Variants in PTPRD observed in about 807,000 individuals in gnomAD.
PTPRD encodes protein tyrosine phosphatase receptor type D.
A neutral mutation model predicts 214.5 loss-of-function variants in PTPRD; 34 were observed. The ratio of observed to expected loss-of-function variants is 0.16; its 90% CI spans 0.12 to 0.21. The LOEUF (loss-of-function observed/expected upper bound fraction) is 0.21, where lower values mean the gene tolerates loss of function less well. PTPRD is among the 10% of genes least tolerant of loss of function. The pLI, the probability that PTPRD is intolerant of heterozygous loss-of-function variation, is 1.00. For synonymous variants in PTPRD, 1,128 were observed against 845.7 expected, an observed-to-expected ratio of 1.33 and a Z score of -5.79; for missense variants, 2,545 against 2,398.7, an observed-to-expected ratio of 1.06 and a Z score of -1.27.
intron 27 of PTPRD, among the ~76,000 whole-genome samples, chr9:8,487,392 T>C (rs150444038): frequency 7.4e-4 from 113 of 152,240 alleles, no homozygotes; most frequent in African/African-American, 2.1e-3. Context: ...GTGAAAGACA[T>C]TGAGGGATGA....
At chr9:9,900,237 T>A (rs1444233122) in intron 5 of PTPRD, among the ~76,000 whole-genome samples, 3 of 152,204 alleles carry the variant, frequency 2.0e-5, no homozygotes, top group East Asian at 3.9e-4. Flanking sequence ...CAACTTTAAA[T>A]CATTTTGTAC....
chr9:10,177,545 G>A (rs538299792), intron 3 of PTPRD, among the ~76,000 whole-genome samples: 127 of 151,858 alleles, frequency 8.4e-4, no homozygotes, highest in African/African-American at 2.6e-3. Flanking sequence ...AGGCGGGACA[G>A]GAAGACCAGA....
rs1160309918 is a variant in PTPRD at position 8,518,137 on chromosome 9, G to A, written c.1254C>T (p.Ser418=). 4.3e-6 allele frequency: 7 copies of A among 1,614,052 alleles called. No homozygotes were observed. The Admixed American group carries it at 8.3e-5, about 19-fold the overall frequency. ...VLTQTSEQAP[S]SAPRDVQARM... is the part of the protein sequence containing the mutation. Reference sequence around the variant, plus strand: ...GTGCCTGGACATCCCTCGGGGCACTGGATGGTGCTTGCTCTGAGGTTTGTG... The same window carrying A: ...GTGCCTGGACATCCCTCGGGGCACTAGATGGTGCTTGCTCTGAGGTTTGTG... The change falls in exon 21 of 46, where the codon TCC becomes TCT. Residue 418 remains serine, a synonymous_variant. Coordinates refer to ENST00000381196, the MANE Select transcript of PTPRD (RefSeq NM_002839.4).
chr9:9,536,297 A>G (rs2076512865), intron 8 of PTPRD, among the ~76,000 whole-genome samples: 1 of 151,988 alleles, frequency 6.6e-6, no homozygotes, highest in Admixed American at 6.6e-5. Flanking sequence ...GCACACAAAC[A>G]ATGTGGACTC....
intron 2 of PTPRD, among the ~76,000 whole-genome samples, chr9:10,465,492 G>T (rs1011054528): frequency 6.6e-6 from 1 of 152,068 alleles, no homozygotes; most frequent in Non-Finnish European, 1.5e-5. Context: ...TGTGCCACAT[G>T]ACATTTCAGT....
intron 2 of PTPRD, among the ~76,000 whole-genome samples, chr9:10,525,766 T>C (rs1028439136): frequency 2.4e-5 from 3 of 125,544 alleles, no homozygotes; most frequent in Non-Finnish European, 5.2e-5. Flanking sequence ...GTATTTTCCC[T>C]GAAAAACTGA....
chr9:8,570,854 G>A (rs2090920857), intron 14 of PTPRD, among the ~76,000 whole-genome samples: 1 of 151,838 alleles, frequency 6.6e-6, no homozygotes, highest in African/African-American at 2.4e-5. Flanking sequence ...CCCAAGGTCA[G>A]GAGAAAATTA....
At chr9:8,647,341 G>C (rs1411854913) in intron 12 of PTPRD, among the ~76,000 whole-genome samples, 1 of 152,074 alleles carries the variant, frequency 6.6e-6, no homozygotes, top group East Asian at 1.9e-4. Context: ...TATTCTAATG[G>C]TGATCACCTT....
At chr9:10,017,572 T>A (rs1185994935) in intron 4 of PTPRD, among the ~76,000 whole-genome samples, 2 of 152,120 alleles carry the variant, frequency 1.3e-5, no homozygotes, top group African/African-American at 2.4e-5. Context: ...GTTTTCAGGT[T>A]TAAATCTTTA....
chr9:8,664,311 A>C (rs1207039756), intron 12 of PTPRD, among the ~76,000 whole-genome samples: 1 of 152,192 alleles, frequency 6.6e-6, no homozygotes, highest in Admixed American at 6.5e-5. Context: ...AACTCTTCTG[A>C]ATCATATTAA....
rs114658344 is a variant in PTPRD, at chr9:9,964,313, C to G, written c.-471-25703G>C. On this transcript the variant is annotated intron_variant, in intron 4 of 45. Transcript: ENST00000381196. The stretch of plus-strand genomic sequence containing the variant: ...AGCAGGCTTGTTAGAAATACGTTCT[C>G]TACTTTAAAATGCATGATGTATTTT... Among the ~76,000 whole-genome samples, 519 of 152,274 alleles carry G rather than the reference C, an allele frequency of 3.4e-3. 4 individuals are homozygous for G. Among genetic ancestry groups the G allele is most frequent in the African/African-American group, 0.011 (476 of 41,560 alleles).
intron 8 of PTPRD, among the ~76,000 whole-genome samples, chr9:9,546,362 A>AT (rs568083402): frequency 5.3e-5 from 8 of 151,818 alleles, no homozygotes; most frequent in Admixed American, 5.3e-4. Context: ...AACTTATGCA[A>AT]TTTTTATAGC....
At chr9:8,649,841 A>C (rs1268927422) in intron 12 of PTPRD, among the ~76,000 whole-genome samples, 2 of 152,184 alleles carry the variant, frequency 1.3e-5, no homozygotes, top group East Asian at 3.9e-4. Flanking sequence ...CAATGATAAG[A>C]TGCTTAAATA....
At chr9:9,023,102 G>A (rs1000120906) in intron 10 of PTPRD, among the ~76,000 whole-genome samples, 28 of 152,146 alleles carry the variant, frequency 1.8e-4, no homozygotes, top group Admixed American at 1.8e-3. Context: ...AACTTCATGG[G>A]GTTTTGGTAG....
intron 11 of PTPRD, among the ~76,000 whole-genome samples, chr9:8,833,713 TATACACAC>T (rs1170301078): frequency 8.1e-6 from 1 of 123,626 alleles, no homozygotes; most frequent in African/African-American, 3.0e-5. Context: ...TATATATATA[TATACACAC>T]ACACACACAC....
At chr9:9,329,813 C>T (rs959700050) in intron 9 of PTPRD, among the ~76,000 whole-genome samples, 2 of 152,176 alleles carry the variant, frequency 1.3e-5, no homozygotes, top group African/African-American at 4.8e-5. Flanking sequence ...AATGGGTTTT[C>T]AGTAAGGTTC....
chr9:9,418,277 C>G (rs1333113), intron 8 of PTPRD, among the ~76,000 whole-genome samples: 1 of 151,796 alleles, frequency 6.6e-6, no homozygotes, highest in African/African-American at 2.4e-5. Context: ...GGGTTTTCTG[C>G]TTAGGCATCC....
intron 7 of PTPRD, among the ~76,000 whole-genome samples, chr9:9,605,370 A>C (rs2094083782): frequency 6.6e-6 from 1 of 152,076 alleles, no homozygotes; most frequent in Non-Finnish European, 1.5e-5. Flanking sequence ...TGTCATTGGA[A>C]GCTATGAACT....
In PTPRD at chr9:10,536,450, C is replaced by T. The variant is rs150500127; in HGVS notation, c.-600+75948G>A. Among the ~76,000 whole-genome samples the T allele has an allele frequency of 5.3e-5, 8 of 152,194 alleles. No homozygotes were observed. The East Asian group carries it at 1.4e-3, about 26-fold the overall frequency. On this transcript the variant is annotated intron_variant, in intron 2 of 45. Transcript: ENST00000381196. Reference sequence around the variant, plus strand: ...AATTCGTTTTAGGTTAAAATCTAGACTAATCCATACATTTATTATTTTCAT... The same window carrying T: ...AATTCGTTTTAGGTTAAAATCTAGATTAATCCATACATTTATTATTTTCAT...
Sources: allele counts gnomAD v4.1 joint callset (sites outside exome capture counted in the v4.1 genomes callset), GRCh38; gene constraint gnomAD v4.1.1; transcripts MANE v1.5; gene names NCBI Gene and HGNC (gene_info 2026-07-23, HGNC 2026-07-21).